STAG1: variants seen among roughly 807,000 people sequenced by gnomAD.
STAG1 encodes STAG1 cohesin complex component.
A neutral mutation model predicts 170.9 loss-of-function variants in STAG1; 26 were observed. The observed-to-expected ratio is 0.15, with a 90% CI of 0.11 to 0.21. The LOEUF is 0.21. STAG1 is among the 10% of genes least tolerant of loss of function. The pLI, the probability that STAG1 is intolerant of heterozygous loss-of-function variation, is 1.00. For missense variants in STAG1, 964 were observed against 1,509.5 expected, an observed-to-expected ratio of 0.64 and a Z score of 5.99; for synonymous variants, 514 against 497.7, an observed-to-expected ratio of 1.03 and a Z score of -0.44.
intron 23 of STAG1, among the ~76,000 whole-genome samples, chr3:136,374,400 C>A (rs1359294060): frequency 6.6e-6 from 1 of 152,138 alleles, no homozygotes; most frequent in African/African-American, 2.4e-5. Flanking sequence ...GGAGGATCAC[C>A]TGAGGTTGGG....
chr3:136,466,577 C>T (rs180802764), intron 12 of STAG1, among the ~76,000 whole-genome samples: 467 of 152,300 alleles, frequency 3.1e-3, no homozygotes, highest in African/African-American at 9.8e-3. Context: ...GGAAAACACT[C>T]TGCAGGATAT....
chr3:136,673,120 A>G (rs753321727), intron 1 of STAG1, among the ~76,000 whole-genome samples: 8 of 152,254 alleles, frequency 5.3e-5, no homozygotes, highest in Non-Finnish European at 7.3e-5. Flanking sequence ...TATCAAAACA[A>G]CATAGAGAGT....
Position 136,655,483 on chromosome 3 carries a change from G to C in STAG1, c.-83-24502C>G, listed in dbSNP as rs1452330013. Among the ~76,000 whole-genome samples the C allele has an allele frequency of 6.6e-5, 10 of 152,182 alleles. 1 individual carries two copies. The highest frequency in any genetic ancestry group is 1.5e-5 in the Non-Finnish European group (1 of 68,020). ...TATAATAAAAAAATCCAGAAAGTAG[G>C]CTGGGTGCTGTGGCTTATGCATGTA... On this transcript the variant is annotated intron_variant, in intron 1 of 33. Coordinates refer to ENST00000383202, the MANE Select transcript of STAG1 (RefSeq NM_005862.3).
At chr3:136,573,652 G>A (rs1937347406) in intron 4 of STAG1, among the ~76,000 whole-genome samples, 1 of 151,948 alleles carries the variant, frequency 6.6e-6, no homozygotes, top group Admixed American at 6.6e-5. Context: ...CCAACCTCAT[G>A]AAAGACAGAT....
chr3:136,649,155 C>A (rs1163011260), intron 1 of STAG1, among the ~76,000 whole-genome samples: 1 of 152,130 alleles, frequency 6.6e-6, no homozygotes, highest in Non-Finnish European at 1.5e-5. Flanking sequence ...CTGAAACATT[C>A]TATTCACTAT....
Position 136,341,462 on chromosome 3 carries a change from C to T in STAG1, c.3536G>A (p.Arg1179Lys), listed in dbSNP as rs1026553102. 6 of 1,613,020 alleles carry T rather than the reference C, an allele frequency of 3.7e-6. No individual in the cohort carries two copies. The African/African-American group carries it at 4.0e-5, about 11-fold the overall frequency. Residue 1179 changes from arginine to lysine, a missense_variant, in exon 31 of 34, where the codon AGA becomes AAA. This residue lies in a region of STAG1 where 59 missense variants were observed against 104.2 expected (regional missense o/e 0.57). Transcript: ENST00000383202. ...DRTGMNYMKV[R>K]TGVRHAVRGL... ...TTACACAGCATGCCTCACTCCAGTT[C>T]TCACTTTCATGTAGTTCATTCCTGT...
intron 21 of STAG1, among the ~76,000 whole-genome samples, chr3:136,413,829 G>GAGA (rs1024359848): frequency 5.3e-5 from 8 of 152,008 alleles, no homozygotes; most frequent in African/African-American, 1.9e-4. Flanking sequence ...TCACTAGGAG[G>GAGA]AGAAAAAATA....
intron 7 of STAG1, among the ~76,000 whole-genome samples, chr3:136,516,779 G>A (rs564449338): frequency 6.6e-6 from 1 of 152,314 alleles, no homozygotes; most frequent in South Asian, 2.1e-4. Context: ...ATTGTCCCAA[G>A]CACTCCTAAT....
intron 21 of STAG1, among the ~76,000 whole-genome samples, chr3:136,415,747 A>C (rs1047209195): frequency 6.6e-6 from 1 of 152,336 alleles, no homozygotes; most frequent in South Asian, 2.1e-4. Flanking sequence ...GCTTGAACCC[A>C]GGAAGCGGAG....
chr3:136,379,712 A>T (rs530985116), intron 22 of STAG1, among the ~76,000 whole-genome samples: 65 of 152,178 alleles, frequency 4.3e-4, no homozygotes, highest in Non-Finnish European at 7.6e-4. Context: ...CTATCTCAAC[A>T]ACAACAAAAA....
chr3:136,720,662 C>T (rs188211149), intron 1 of STAG1, among the ~76,000 whole-genome samples: 150 of 152,094 alleles, frequency 9.9e-4, no homozygotes, highest in Middle Eastern at 6.8e-3. Context: ...TAATAGCTGG[C>T]GCCTGTAATC....
chr3:136,347,984 C>T (rs755902788), intron 29 of STAG1, among the ~76,000 whole-genome samples: 9 of 152,218 alleles, frequency 5.9e-5, no homozygotes, highest in Non-Finnish European at 1.0e-4. Flanking sequence ...TCCTCATCAA[C>T]AGTCAATACT....
At chr3:136,603,010 T>A (rs1042483485) in intron 4 of STAG1, among the ~76,000 whole-genome samples, 2 of 152,152 alleles carry the variant, frequency 1.3e-5, no homozygotes, top group Non-Finnish European at 2.9e-5. Flanking sequence ...CCTCCTTCCC[T>A]GCCCACACAA....
chr3:136,461,151 C>T (rs1161315423), intron 13 of STAG1, among the ~76,000 whole-genome samples: 1 of 152,138 alleles, frequency 6.6e-6, no homozygotes, highest in Non-Finnish European at 1.5e-5. Flanking sequence ...GATAAAAACT[C>T]TCAACAAACT....
At position 136,363,381 on chromosome 3, in the gene STAG1, A is replaced by G. The variant is rs775175021; in HGVS notation, c.2772T>C (p.Ile924=). The change falls in exon 26 of 34, where the codon ATT becomes ATC. Residue 924 remains isoleucine (I), a synonymous_variant. Coordinates refer to ENST00000383202, the MANE Select transcript of STAG1 (RefSeq NM_005862.3). The part of the protein sequence containing the change: ...IDKIQCAKTL[I]LSLQQLFNEL... The stretch of plus-strand genomic sequence containing the variant: ...AATTTCTTACCTGTTGCAAACTGAG[A>G]ATGAGAGTCTTGGCACACTGAATTT... The G allele has an allele frequency of 6.3e-7, 1 of 1,595,538 alleles. No individual in the cohort carries two copies. Among genetic ancestry groups the G allele is most frequent in the Admixed American group, 1.7e-5 (1 of 58,730 alleles).
intron 1 of STAG1, among the ~76,000 whole-genome samples, chr3:136,701,403 CGT>C (rs368425530): frequency 2.6e-5 from 4 of 151,770 alleles, no homozygotes; most frequent in Admixed American, 1.3e-4. Context: ...TTCCCATCCT[CGT>C]GTGTGTGTGT....
intron 30 of STAG1, among the ~76,000 whole-genome samples, chr3:136,342,914 G>A (rs1027422583): frequency 6.6e-6 from 1 of 152,188 alleles, no homozygotes; most frequent in Non-Finnish European, 1.5e-5. Context: ...TCGGATGCTT[G>A]CCATAAGGCA....
At chr3:136,613,191 G>C (rs1305124627) in intron 3 of STAG1, among the ~76,000 whole-genome samples, 1 of 151,602 alleles carries the variant, frequency 6.6e-6, no homozygotes, top group Non-Finnish European at 1.5e-5. Flanking sequence ...TGTAGTCCCA[G>C]CTACTTGGGA....
At chr3:136,342,640 C>A (rs963402922) in intron 30 of STAG1, among the ~76,000 whole-genome samples, 3 of 152,274 alleles carry the variant, frequency 2.0e-5, no homozygotes, top group African/African-American at 7.2e-5. Context: ...TGCCACCATA[C>A]CCATACATTT....
Sources: allele counts gnomAD v4.1 joint callset (sites outside exome capture counted in the v4.1 genomes callset), GRCh38; gene constraint gnomAD v4.1.1; regional missense constraint gnomAD v4.1.1; transcripts MANE v1.5; gene names NCBI Gene and HGNC (gene_info 2026-07-23, HGNC 2026-07-21).